The following AGBL4 variants were observed in gnomAD, a reference collection of about 807,000 sequenced individuals.
The protein encoded by AGBL4 is cytosolic carboxypeptidase 6.
A neutral mutation model predicts 66.4 loss-of-function variants in AGBL4; 58 were observed. That is an observed-to-expected ratio of 0.87 (90% confidence interval 0.71 to 1.09). The LOEUF is 1.09. Ranked by LOEUF, AGBL4 falls within the 50% of genes least tolerant of loss-of-function variation. The pLI is 0.00. For missense variants in AGBL4, 579 were observed against 631.0 expected, an observed-to-expected ratio of 0.92 and a Z score of 0.88; for synonymous variants, 234 against 222.9, an observed-to-expected ratio of 1.05 and a Z score of -0.44.
chr1:49,452,800 G>T (rs1280829634), intron 3 of AGBL4, among the ~76,000 whole-genome samples: 1 of 151,794 alleles, frequency 6.6e-6, no homozygotes, highest in Non-Finnish European at 1.5e-5. Flanking sequence ...ATCCCCTAAA[G>T]GAATTATCAT....
intron 3 of AGBL4, among the ~76,000 whole-genome samples, chr1:49,447,691 T>C (rs936202370): frequency 3.3e-5 from 5 of 152,154 alleles, no homozygotes; most frequent in African/African-American, 1.2e-4. Flanking sequence ...ATAGCAGCAG[T>C]CTGCAGCAGA....
At chr1:49,606,118 T>G (rs1249209742) in intron 3 of AGBL4, among the ~76,000 whole-genome samples, 2 of 152,140 alleles carry the variant, frequency 1.3e-5, no homozygotes, top group African/African-American at 2.4e-5. Flanking sequence ...ATTCCAGATC[T>G]AAGAAAAGTT....
At chr1:48,540,800 C>T (rs534658277) in intron 11 of AGBL4, among the ~76,000 whole-genome samples, 1 of 152,110 alleles carries the variant, frequency 6.6e-6, no homozygotes. Flanking sequence ...TTTCCACCCC[C>T]CTAGAATAGG....
At chr1:49,236,899 G>A (rs1650796203) in intron 4 of AGBL4, among the ~76,000 whole-genome samples, 1 of 151,972 alleles carries the variant, frequency 6.6e-6, no homozygotes, top group Non-Finnish European at 1.5e-5. Flanking sequence ...TCGGTGGGGA[G>A]GTAATTGAAT....
At chr1:49,011,006 C>A (rs1238884510) in intron 5 of AGBL4, among the ~76,000 whole-genome samples, 1 of 152,136 alleles carries the variant, frequency 6.6e-6, no homozygotes, top group Non-Finnish European at 1.5e-5. Context: ...AAAGCAATGG[C>A]AACAAAAGAC....
At chr1:48,920,709 G>A (rs1338205684) in intron 5 of AGBL4, among the ~76,000 whole-genome samples, 1 of 152,198 alleles carries the variant, frequency 6.6e-6, no homozygotes, top group Admixed American at 6.5e-5. Flanking sequence ...GCTGTTTGAG[G>A]TGTACCCAGC....
intron 6 of AGBL4, among the ~76,000 whole-genome samples, chr1:48,708,004 A>G (rs1302275398): frequency 6.6e-6 from 1 of 152,200 alleles, no homozygotes; most frequent in East Asian, 1.9e-4. Context: ...ACATTCACTC[A>G]TTTAACCCCG....
intron 1 of AGBL4, among the ~76,000 whole-genome samples, chr1:49,914,725 C>T (rs1175324747): frequency 6.6e-6 from 1 of 152,182 alleles, no homozygotes; most frequent in Non-Finnish European, 1.5e-5. Context: ...AATTCATTTT[C>T]TGCTGCTATA....
chr1:49,410,684 C>T (rs761168917), intron 3 of AGBL4, among the ~76,000 whole-genome samples: 1 of 152,162 alleles, frequency 6.6e-6, no homozygotes, highest in Non-Finnish European at 1.5e-5. Context: ...GTCTTTCTTA[C>T]AAGCTCCAAA....
chr1:49,208,279 G>A (rs1301737545), intron 4 of AGBL4, among the ~76,000 whole-genome samples: 2 of 151,956 alleles, frequency 1.3e-5, no homozygotes, highest in African/African-American at 4.8e-5. Context: ...TTTCTACCTG[G>A]GCTATACTGT....
At chr1:48,726,224 C>CTT (rs1286075348) in intron 6 of AGBL4, among the ~76,000 whole-genome samples, 2 of 152,160 alleles carry the variant, frequency 1.3e-5, no homozygotes, top group Non-Finnish European at 2.9e-5. Context: ...CCCCCCTTAA[C>CTT]CTAAAAGCAC....
chr1:49,653,111 G>A (rs1646042892), intron 3 of AGBL4, among the ~76,000 whole-genome samples: 1 of 152,074 alleles, frequency 6.6e-6, no homozygotes, highest in African/African-American at 2.4e-5. Context: ...CTACAGTAAG[G>A]AACAGGCTGA....
At chr1:48,918,755 C>T (rs1056404111) in intron 5 of AGBL4, among the ~76,000 whole-genome samples, 5 of 152,190 alleles carry the variant, frequency 3.3e-5, no homozygotes, top group Non-Finnish European at 7.3e-5. Flanking sequence ...GTCTATGGTA[C>T]TTCCATAGTA....
In AGBL4 at chr1:48,698,636, G is replaced by C. The variant is rs572882779; in HGVS notation, c.635-35395C>G. Among the ~76,000 whole-genome samples the C allele has an allele frequency of 5.3e-5, 8 of 152,318 alleles. No individual in the cohort carries two copies. The South Asian group carries it at 1.7e-3, about 32-fold the overall frequency. On this transcript the variant is annotated intron_variant, in intron 6 of 13. Coordinates refer to ENST00000371839, the MANE Select transcript of AGBL4 (RefSeq NM_032785.4). ...TTCTTATCTCCATTTGATGAATTGG[G>C]AGACCAAGGCTCATACAGGAGACAA...
At chr1:49,260,909 A>T (rs1469302703) in intron 3 of AGBL4, among the ~76,000 whole-genome samples, 1 of 149,796 alleles carries the variant, frequency 6.7e-6, no homozygotes. Flanking sequence ...AAAATCCTCA[A>T]TAAAATACTG....
At chr1:49,252,178 C>A (rs1212947365) in intron 3 of AGBL4, among the ~76,000 whole-genome samples, 6 of 152,024 alleles carry the variant, frequency 3.9e-5, no homozygotes, top group Non-Finnish European at 8.8e-5. Context: ...AACTCAGGAG[C>A]TGACAGACAA....
At chr1:48,989,593 T>C (rs920862120) in intron 5 of AGBL4, among the ~76,000 whole-genome samples, 6 of 152,160 alleles carry the variant, frequency 3.9e-5, no homozygotes, top group African/African-American at 1.4e-4. Context: ...TTGTTTTAAT[T>C]TTTAGCTCCC....
chr1:49,066,825 G>A (rs542678707), intron 4 of AGBL4, among the ~76,000 whole-genome samples: 19 of 152,306 alleles, frequency 1.2e-4, no homozygotes, highest in African/African-American at 4.3e-4. Flanking sequence ...GCCTGGAGAA[G>A]AGACCTGGAG....
chr1:49,709,974 C>A (rs186389629), intron 2 of AGBL4, among the ~76,000 whole-genome samples: 41 of 152,130 alleles, frequency 2.7e-4, no homozygotes, highest in Admixed American at 2.6e-3. Flanking sequence ...GAAATAGGAA[C>A]GCTTTACACT....
Sources: gnomAD v4.1 joint callset for allele counts (sites outside exome capture counted in the v4.1 genomes callset) on GRCh38, gnomAD v4.1.1 for gene constraint, MANE v1.5 for transcripts, NCBI Gene and HGNC (gene_info 2026-07-23, HGNC 2026-07-21) for gene names.